LHFPL2: variants seen among roughly 807,000 people sequenced by gnomAD.
LHFPL2 encodes LHFPL tetraspan subfamily member 2.
Under a neutral mutation model 17.5 loss-of-function variants are expected in LHFPL2, and 7 were observed. The ratio of observed to expected loss-of-function variants is 0.40; its 90% confidence interval spans 0.23 to 0.75. LHFPL2 has a LOEUF of 0.75. Among genes scored for constraint, LHFPL2 ranks in the 30% least tolerant of loss-of-function variants. The pLI is 0.37. For synonymous variants in LHFPL2, 134 were observed against 116.2 expected (o/e 1.15, Z -0.99); for missense variants, 241 against 294.8 (o/e 0.82, Z 1.34).
intron 2 of LHFPL2, among the ~76,000 whole-genome samples, chr5:78,616,727 A>C (rs1744629047): frequency 6.6e-6 from 1 of 152,144 alleles, no homozygotes; most frequent in African/African-American, 2.4e-5. Flanking sequence ...CACCTCAGTC[A>C]ACAGTTCCTG....
intron 2 of LHFPL2, among the ~76,000 whole-genome samples, chr5:78,589,467 C>CAAAA (rs35349495): frequency 4.6e-5 from 6 of 131,558 alleles, no homozygotes; most frequent in African/African-American, 1.7e-4. Context: ...AACTCCATCT[C>CAAAA]AAAAAAAAAA....
intron 2 of LHFPL2, among the ~76,000 whole-genome samples, chr5:78,591,967 GAC>G (rs1369648956): frequency 1.3e-5 from 2 of 152,262 alleles, no homozygotes; most frequent in Non-Finnish European, 2.9e-5. Flanking sequence ...GATTCCTAGA[GAC>G]AGAGCTGGCG....
intron 2 of LHFPL2, among the ~76,000 whole-genome samples, chr5:78,582,200 C>T (rs1366507488): frequency 6.6e-6 from 1 of 152,144 alleles, no homozygotes; most frequent in Middle Eastern, 3.2e-3. Context: ...GTCTTGCTAG[C>T]AGTTTATCAA....
chr5:78,590,778 T>C (rs1261784209), intron 2 of LHFPL2, among the ~76,000 whole-genome samples: 1 of 152,216 alleles, frequency 6.6e-6, no homozygotes, highest in Non-Finnish European at 1.5e-5. Flanking sequence ...ACCAAAATAA[T>C]GTAGAACAGC....
intron 4 of LHFPL2, among the ~76,000 whole-genome samples, chr5:78,498,971 A>C (rs1020990108): frequency 7.9e-5 from 12 of 152,086 alleles, no homozygotes; most frequent in Admixed American, 7.2e-4. Context: ...GAGTGTTCCT[A>C]TTCCTCAGTT....
chr5:78,516,909 T>C (rs149533953), intron 3 of LHFPL2, among the ~76,000 whole-genome samples: 1 of 152,250 alleles, frequency 6.6e-6, no homozygotes, highest in Non-Finnish European at 1.5e-5. Context: ...AATGGCAAAA[T>C]GGGGCTCCCC....
Position 78,564,811 on chromosome 5 carries a change from A to G in LHFPL2, c.-186+2T>C, listed in dbSNP as rs1756817509. On this transcript the variant is annotated splice_donor_variant, in intron 3 of 4. Transcript: ENST00000380345. LOFTEE classifies it low-confidence loss of function (5UTR_SPLICE). ...TAAGGTCATGTGATTTCATTTACTT[A>G]CCTATTTATATCTGTAGGAATGCTG... 1 of 152,216 alleles carries G rather than the reference A, an allele frequency of 6.6e-6. No individual in the cohort carries two copies. The highest frequency in any genetic ancestry group is 2.4e-5 in the African/African-American group (1 of 41,452). The allele number at this position is 152,216 out of a possible 1,614,324, so 9.4% of individuals were successfully genotyped here.
At chr5:78,582,318 C>T (rs1218967455) in intron 2 of LHFPL2, among the ~76,000 whole-genome samples, 602 of 136,130 alleles carry the variant, frequency 4.4e-3, no homozygotes, top group Middle Eastern at 0.011. Flanking sequence ...TATTTCTTGC[C>T]TTCTGCTAGC....
At chr5:78,546,363 C>T (rs1002445209) in intron 3 of LHFPL2, among the ~76,000 whole-genome samples, 11 of 152,222 alleles carry the variant, frequency 7.2e-5, no homozygotes, top group African/African-American at 2.2e-4. Flanking sequence ...ATGAGAGGGA[C>T]ACGGCAGCAG....
chr5:78,514,549 T>A (rs1755233793), intron 3 of LHFPL2, among the ~76,000 whole-genome samples: 1 of 152,076 alleles, frequency 6.6e-6, no homozygotes, highest in Non-Finnish European at 1.5e-5. Flanking sequence ...GTCACTTAGA[T>A]CCCGGATCTG....
intron 2 of LHFPL2, among the ~76,000 whole-genome samples, chr5:78,567,483 GT>G (rs1198000799): frequency 3.9e-5 from 6 of 152,118 alleles, no homozygotes; most frequent in Admixed American, 1.3e-4. Context: ...ATTGTTCTAT[GT>G]ATTAGAACAG....
intron 1 of LHFPL2, among the ~76,000 whole-genome samples, chr5:78,632,674 G>T (rs577800564): frequency 6.6e-6 from 1 of 152,298 alleles, no homozygotes; most frequent in Non-Finnish European, 1.5e-5. Flanking sequence ...TATATGCCTG[G>T]AAATGCCTGC....
chr5:78,512,033 G>A (rs1173738005), intron 3 of LHFPL2, among the ~76,000 whole-genome samples: 1 of 152,132 alleles, frequency 6.6e-6, no homozygotes, highest in African/African-American at 2.4e-5. Flanking sequence ...TTGTTGCAAG[G>A]AATGAACAAG....
At chr5:78,530,418 A>G (rs1313412324) in intron 3 of LHFPL2, among the ~76,000 whole-genome samples, 1 of 152,256 alleles carries the variant, frequency 6.6e-6, no homozygotes, top group African/African-American at 2.4e-5. Context: ...AGGCTGAACC[A>G]TAAACAGTCA....
chr5:78,579,003 A>G (rs1757209813), intron 2 of LHFPL2, among the ~76,000 whole-genome samples: 1 of 152,176 alleles, frequency 6.6e-6, no homozygotes, highest in South Asian at 2.1e-4. Flanking sequence ...GCTGTGGTTG[A>G]GGTAGGCCCT....
rs373969634 is a variant in LHFPL2 at position 78,567,184 on chromosome 5, G to C, written c.-244-2313C>G. ...CACTGACAGTAAAAAGCATTTTCTA[G>C]AATCAATTAATTTGACCCAAAGCTT... is the stretch of plus-strand genomic sequence containing the variant. On this transcript the variant is annotated intron_variant, in intron 2 of 4. Transcript: ENST00000380345. 2.0e-5 allele frequency among the ~76,000 whole-genome samples: 3 copies of C among 152,194 alleles called. No individual in the cohort carries two copies. The East Asian group carries it at 5.8e-4, about 29-fold the overall frequency.
chr5:78,628,694 C>T (rs533771390), intron 2 of LHFPL2, among the ~76,000 whole-genome samples: 2 of 152,352 alleles, frequency 1.3e-5, no homozygotes, highest in Middle Eastern at 3.4e-3. Context: ...ATGTTAAGTG[C>T]ACTTTGAACC....
intron 3 of LHFPL2, among the ~76,000 whole-genome samples, chr5:78,545,844 T>G (rs1756254999): frequency 6.6e-6 from 1 of 152,212 alleles, no homozygotes; most frequent in Non-Finnish European, 1.5e-5. Flanking sequence ...AAGACACTGG[T>G]TCATATACAT....
chr5:78,604,447 T>C (rs1744139411), intron 2 of LHFPL2, among the ~76,000 whole-genome samples: 1 of 152,164 alleles, frequency 6.6e-6, no homozygotes. Context: ...ACTGCACTCC[T>C]GTGCTCCAGC....
Sources: gnomAD v4.1 joint callset for allele counts (sites outside exome capture counted in the v4.1 genomes callset) on GRCh38, gnomAD v4.1.1 for gene constraint, MANE v1.5 for transcripts, NCBI Gene and HGNC (gene_info 2026-07-23, HGNC 2026-07-21) for gene names.